The following FARS2 variants were observed in gnomAD, a reference collection of about 807,000 sequenced individuals.
FARS2 encodes the protein phenylalanyl-tRNA synthetase 2, mitochondrial.
FARS2 carries 40 observed loss-of-function variants against 46.4 expected under a neutral mutation model. That is an observed-to-expected ratio of 0.86 (90% confidence interval 0.67 to 1.12). The LOEUF (loss-of-function observed/expected upper bound fraction) is 1.12. Ranked by LOEUF, FARS2 falls within the 50% of genes most tolerant of loss-of-function variation. The probability of loss-of-function intolerance (pLI) is 0.00; values close to 1 mark genes in which losing one functional copy is unlikely to be tolerated. For missense variants in FARS2, 513 were observed against 567.9 expected (o/e 0.90, Z 0.98); for synonymous variants, 234 against 214.9 (o/e 1.09, Z -0.78).
At chr6:5,260,577 C>T (rs563852841), upstream of FARS2, 6 of 1,518,380 alleles carry the variant, frequency 4.0e-6, no homozygotes, top group East Asian at 1.5e-4. Context: ...GGGGATATTC[C>T]GCGTCAGCCC....
chr6:5,638,056 G>A (rs1457958275), intron 6 of FARS2, among the ~76,000 whole-genome samples: 3 of 152,212 alleles, frequency 2.0e-5, no homozygotes, highest in African/African-American at 7.2e-5. Flanking sequence ...GGTGGGTGAT[G>A]AAAGCCAGGA....
At chr6:5,748,192 G>C (rs1041415294) in intron 6 of FARS2, among the ~76,000 whole-genome samples, 2 of 152,132 alleles carry the variant, frequency 1.3e-5, no homozygotes, top group African/African-American at 4.8e-5. Context: ...GCTTCCTGAG[G>C]CTTGGGCCTT....
chr6:5,362,025 C>G (rs1279650235), intron 1 of FARS2, among the ~76,000 whole-genome samples: 1 of 151,928 alleles, frequency 6.6e-6, no homozygotes, highest in Non-Finnish European at 1.5e-5. Flanking sequence ...CTGAATGTGT[C>G]CAAAATGAAA....
intron 4 of FARS2, among the ~76,000 whole-genome samples, chr6:5,440,688 T>C (rs1307391251): frequency 6.6e-6 from 1 of 152,178 alleles, no homozygotes; most frequent in Non-Finnish European, 1.5e-5. Flanking sequence ...TGTTTTGTTG[T>C]TATTGTTTTT....
chr6:5,558,105 TA>T (rs1771770509), intron 5 of FARS2, among the ~76,000 whole-genome samples: 1 of 152,094 alleles, frequency 6.6e-6, no homozygotes, highest in African/African-American at 2.4e-5. Context: ...GAAGTCAAAG[TA>T]ATTTACTGAG....
intron 6 of FARS2, among the ~76,000 whole-genome samples, chr6:5,655,645 G>A (rs1010913551): frequency 1.3e-5 from 2 of 152,050 alleles, no homozygotes; most frequent in South Asian, 4.1e-4. Flanking sequence ...CCTCTTATAA[G>A]AATTCCTGTG....
chr6:5,369,801 C>T (rs566809802), intron 2 of FARS2, among the ~76,000 whole-genome samples: 6 of 151,592 alleles, frequency 4.0e-5, no homozygotes, highest in African/African-American at 9.7e-5. Flanking sequence ...CAACTCCTTG[C>T]GTCTGTTAGA....
chr6:5,603,314 G>C (rs886201489), intron 5 of FARS2, among the ~76,000 whole-genome samples: 1 of 152,106 alleles, frequency 6.6e-6, no homozygotes, highest in Non-Finnish European at 1.5e-5. Flanking sequence ...CAGGCTAGGA[G>C]CCTCTGTAGA....
chr6:5,546,200 C>T (rs1770975762), intron 5 of FARS2, among the ~76,000 whole-genome samples: 1 of 149,962 alleles, frequency 6.7e-6, no homozygotes, highest in African/African-American at 2.5e-5. Flanking sequence ...AAATTTTATG[C>T]AAGAGAAAAG....
chr6:5,338,755 A>G (rs1045358455), intron 1 of FARS2, among the ~76,000 whole-genome samples: 3 of 152,158 alleles, frequency 2.0e-5, no homozygotes, highest in African/African-American at 7.2e-5. Context: ...TCATGGCTAT[A>G]TCACATTCTC....
intron 1 of FARS2, among the ~76,000 whole-genome samples, chr6:5,274,900 A>G (rs557734154): frequency 6.6e-6 from 1 of 152,264 alleles, no homozygotes; most frequent in East Asian, 1.9e-4. Context: ...TGTTTTTGGT[A>G]GAAATGGGGT....
chr6:5,636,758 C>T (rs529765869), intron 6 of FARS2, among the ~76,000 whole-genome samples: 22 of 152,318 alleles, frequency 1.4e-4, no homozygotes, highest in Admixed American at 1.0e-3. Context: ...CCACTACTTG[C>T]CCCGAGGAGT....
intron 5 of FARS2, among the ~76,000 whole-genome samples, chr6:5,576,516 T>C (rs1458034689): frequency 6.0e-5 from 9 of 151,078 alleles, no homozygotes; most frequent in Non-Finnish European, 1.3e-4. Flanking sequence ...TGTGATCATG[T>C]GAGTTAATAT....
intron 4 of FARS2, among the ~76,000 whole-genome samples, chr6:5,498,550 G>A (rs1175452443): frequency 1.3e-5 from 2 of 152,192 alleles, no homozygotes; most frequent in Non-Finnish European, 2.9e-5. Context: ...GTGACTGCAC[G>A]CACCAGGTAC....
chr6:5,685,175 G>A (rs1757099359), intron 6 of FARS2, among the ~76,000 whole-genome samples: 1 of 152,064 alleles, frequency 6.6e-6, no homozygotes, highest in Non-Finnish European at 1.5e-5. Context: ...TATCATTTGG[G>A]GCCAGAACCA....
intron 1 of FARS2, among the ~76,000 whole-genome samples, chr6:5,262,749 C>G (rs989018695): frequency 1.3e-5 from 2 of 152,172 alleles, no homozygotes; most frequent in Non-Finnish European, 2.9e-5. Context: ...ATCTTTAAGT[C>G]TCCTCCCTGA....
At chr6:5,713,498 G>C (rs1462561602) in intron 6 of FARS2, among the ~76,000 whole-genome samples, 2 of 152,226 alleles carry the variant, frequency 1.3e-5, no homozygotes, top group African/African-American at 4.8e-5. Flanking sequence ...GAGGTCTGGA[G>C]ACGTTGACGC....
chr6:5,666,392 C>G (rs1347905349), intron 6 of FARS2, among the ~76,000 whole-genome samples: 1 of 152,188 alleles, frequency 6.6e-6, no homozygotes, highest in East Asian at 1.9e-4. Flanking sequence ...TGCCACCAAC[C>G]TGCCCCTCCA....
chr6:5,367,086 T>C lies in FARS2; in HGVS notation c.-21-1464T>C, dbSNP rs955368572. On this transcript the variant is annotated intron_variant, in intron 1 of 6. Coordinates refer to ENST00000274680, the MANE Select transcript of FARS2 (RefSeq NM_006567.5). Reference sequence around the variant, plus strand: ...AGACAAAGGTGCTGTGCACAGCTTCTAAGAAGCAATCACACACAAGCACAG... The same window carrying C: ...AGACAAAGGTGCTGTGCACAGCTTCCAAGAAGCAATCACACACAAGCACAG... 3.3e-5 allele frequency among the ~76,000 whole-genome samples: 5 copies of C among 152,382 alleles called. No individual in the cohort carries two copies. In the South Asian group the frequency reaches 1.0e-3, roughly 32 times the overall value.
Sources: gnomAD v4.1 joint callset for allele counts (sites outside exome capture counted in the v4.1 genomes callset) on GRCh38, gnomAD v4.1.1 for gene constraint, MANE v1.5 for transcripts, NCBI Gene and HGNC (gene_info 2026-07-23, HGNC 2026-07-21) for gene names.